Variants in SYNPR observed in about 807,000 individuals in gnomAD.
The protein encoded by SYNPR is synaptoporin.
A neutral mutation model predicts 32.9 loss-of-function variants in SYNPR; 23 were observed. The ratio of observed to expected loss-of-function variants is 0.70; its 90% CI spans 0.50 to 0.99. The LOEUF is 0.99. SYNPR is among the 50% of genes least tolerant of loss of function. SYNPR has a pLI of 0.00. For missense variants in SYNPR, 318 were observed against 349.3 expected (o/e 0.91, Z 0.71); for synonymous variants, 146 against 135.9 (o/e 1.07, Z -0.52).
chr3:63,471,089 G>A (rs1559508834), intron 2 of SYNPR, among the ~76,000 whole-genome samples: 1 of 152,156 alleles, frequency 6.6e-6, no homozygotes, highest in Non-Finnish European at 1.5e-5. Context: ...ATGGCATGAA[G>A]TATCAATTCT....
chr3:63,396,557 T>A (rs1363582087), intron 2 of SYNPR, among the ~76,000 whole-genome samples: 1 of 152,168 alleles, frequency 6.6e-6, no homozygotes, highest in Admixed American at 6.5e-5. Context: ...TTTCTTAACA[T>A]GTCAAGAACA....
At chr3:63,314,058 T>TATCC (rs375682527) in intron 2 of SYNPR, among the ~76,000 whole-genome samples, 1 of 86,916 alleles carries the variant, frequency 1.2e-5, no homozygotes, top group Non-Finnish European at 2.5e-5. Context: ...TATCCATATA[T>TATCC]ATATATATCC....
chr3:63,230,173 G>A (rs1393841026), intron 1 of SYNPR, among the ~76,000 whole-genome samples: 2 of 152,118 alleles, frequency 1.3e-5, no homozygotes, highest in Non-Finnish European at 2.9e-5. Context: ...TGTTGTGAAT[G>A]GAGGCATAGG....
At chr3:63,313,248 A>G (rs2086987850) in intron 2 of SYNPR, among the ~76,000 whole-genome samples, 1 of 151,858 alleles carries the variant, frequency 6.6e-6, no homozygotes, top group African/African-American at 2.4e-5. Context: ...TTACTGGGGT[A>G]CGGGTGGTAT....
chr3:63,278,697 C>G lies in SYNPR; in HGVS notation c.39C>G (p.Phe13Leu). 1 of 1,551,662 alleles carries G rather than the reference C, an allele frequency of 6.4e-7. No individual in the cohort carries two copies. The highest frequency in any genetic ancestry group is 2.4e-5 in the East Asian group (1 of 40,882). ...CAAAGCTGGCCTCTGCGGGCACCTT[C>G]CGGGTGCTGAAGGAGCCCCTTGCCT... ...PVSQLASAGT[F>L]RVLKEPLAFL... is the part of the protein sequence containing the mutation. The change falls in exon 2 of 6, where the codon TTC (phenylalanine) becomes TTG (leucine). Residue 13 changes from phenylalanine (F) to leucine (L), a missense_variant. Phe to Leu is a conservative substitution (Grantham distance 22). Transcript: ENST00000478300.
intron 2 of SYNPR, among the ~76,000 whole-genome samples, chr3:63,352,679 G>A (rs1009381594): frequency 2.0e-5 from 3 of 152,238 alleles, no homozygotes; most frequent in Non-Finnish European, 2.9e-5. Context: ...ATAAATACCC[G>A]AGACTGGGTA....
intron 2 of SYNPR, among the ~76,000 whole-genome samples, chr3:63,408,958 C>T (rs1459383570): frequency 6.6e-6 from 1 of 152,110 alleles, no homozygotes; most frequent in Non-Finnish European, 1.5e-5. Flanking sequence ...CATGGAGTCT[C>T]TCCTGTAACC....
At chr3:63,291,879 A>C (rs57074258) in intron 2 of SYNPR, among the ~76,000 whole-genome samples, 34,890 of 151,640 alleles carry the variant, frequency 0.23, 4,297 homozygotes, top group South Asian at 0.38. Context: ...ATGTTGCTTA[A>C]TTACAGGAAT....
intron 2 of SYNPR, among the ~76,000 whole-genome samples, chr3:63,318,215 C>T (rs1326291668): frequency 6.6e-6 from 1 of 151,974 alleles, no homozygotes; most frequent in African/African-American, 2.4e-5. Flanking sequence ...CTTTGGATAA[C>T]CTGATGACAA....
At chr3:63,467,151 C>T (rs944793837) in intron 2 of SYNPR, among the ~76,000 whole-genome samples, 1 of 152,144 alleles carries the variant, frequency 6.6e-6, no homozygotes, top group African/African-American at 2.4e-5. Context: ...GTTGGGACTA[C>T]AGGCGCATGC....
intron 4 of SYNPR, among the ~76,000 whole-genome samples, chr3:63,585,456 C>CG (rs1553649474): frequency 5.7e-5 from 6 of 104,656 alleles, no homozygotes; most frequent in Non-Finnish European, 1.0e-4. Context: ...CATGCCCCCC[C>CG]CCTCCGCCCC....
chr3:63,558,812 T>G (rs1193842678), intron 4 of SYNPR, among the ~76,000 whole-genome samples: 1 of 151,716 alleles, frequency 6.6e-6, no homozygotes, highest in Non-Finnish European at 1.5e-5. Context: ...ATATTTTTGT[T>G]GCAAAAAATA....
At chr3:63,335,352 CAAA>C (rs35394118) in intron 2 of SYNPR, among the ~76,000 whole-genome samples, 62 of 84,938 alleles carry the variant, frequency 7.3e-4, no homozygotes, top group Admixed American at 2.1e-3. Flanking sequence ...GACTCCGTCT[CAAA>C]AAAAAAAAAA....
chr3:63,301,554 C>A (rs773162462), intron 2 of SYNPR, among the ~76,000 whole-genome samples: 1 of 152,118 alleles, frequency 6.6e-6, no homozygotes, highest in African/African-American at 2.4e-5. Flanking sequence ...TTTGAAAAAT[C>A]TATTTTGGAC....
intron 2 of SYNPR, among the ~76,000 whole-genome samples, chr3:63,465,131 C>T (rs1404532319): frequency 6.6e-6 from 1 of 152,158 alleles, no homozygotes; most frequent in Non-Finnish European, 1.5e-5. Flanking sequence ...GGATCTTCAT[C>T]TTATTGCCTA....
At chr3:63,353,801 G>A (rs1296821591) in intron 2 of SYNPR, among the ~76,000 whole-genome samples, 2 of 152,204 alleles carry the variant, frequency 1.3e-5, no homozygotes, top group Non-Finnish European at 2.9e-5. Flanking sequence ...CATTTTCTTT[G>A]TGAGATGATA....
upstream of SYNPR, among the ~76,000 whole-genome samples, chr3:63,223,757 A>T (rs2086110056): frequency 6.6e-6 from 1 of 152,132 alleles, no homozygotes; most frequent in Non-Finnish European, 1.5e-5. Context: ...TTCCCATAGC[A>T]CCATATTTTC....
chr3:63,355,946 G>T (rs1430758409), intron 2 of SYNPR, among the ~76,000 whole-genome samples: 1 of 152,182 alleles, frequency 6.6e-6, no homozygotes, highest in Non-Finnish European at 1.5e-5. Context: ...ATCTGCTTCA[G>T]AGTCTTTAGT....
chr3:63,500,704 CA>C lies in SYNPR; in HGVS notation c.209+19752del, dbSNP rs1181714447. 2.0e-5 allele frequency among the ~76,000 whole-genome samples: 3 copies of C among 152,270 alleles called. No individual in the cohort carries two copies. The East Asian group carries it at 5.8e-4, about 29-fold the overall frequency. On this transcript the variant is annotated intron_variant, in intron 3 of 5. Coordinates refer to ENST00000478300, the MANE Select transcript of SYNPR (RefSeq NM_001130003.2). ...CAGGATGTTCCAGCTCTTATCTTCT[CA>C]AAACTTGTTTTCACTCACACAATTT...
Sources: allele counts gnomAD v4.1 joint callset (sites outside exome capture counted in the v4.1 genomes callset), GRCh38; gene constraint gnomAD v4.1.1; transcripts MANE v1.5; gene names NCBI Gene and HGNC (gene_info 2026-07-23, HGNC 2026-07-21).